Variants in KIAA1671 observed in about 807,000 individuals in gnomAD.
KIAA1671 encodes KIAA1671, also known as uncharacterized protein KIAA1671.
KIAA1671 carries 52 observed loss-of-function variants against 131.2 expected under a neutral mutation model. The observed-to-expected ratio is 0.40, with a 90% CI of 0.32 to 0.50. KIAA1671 has a LOEUF of 0.50. KIAA1671 is among the 20% of genes least tolerant of loss of function. KIAA1671 has a pLI of 0.73. For synonymous variants in KIAA1671, 1,003 were observed against 961.6 expected (o/e 1.04, Z -0.80); for missense variants, 2,360 against 2,364.2 (o/e 1.00, Z 0.04).
Position 25,038,873 on chromosome 22 carries a change from C to A in KIAA1671, c.1743C>A (p.Asp581Glu). Residue 581 changes from aspartate to glutamate, a missense_variant, in exon 5 of 13, where the codon GAC (aspartate) becomes GAA (glutamate). Transcript: ENST00000358431. ...AGCAGAAGGTTAGCTCTAACCAAGA[C>A]CCCGACAGCTGTCGCGGTGGAAGCT... is the stretch of plus-strand genomic sequence containing the variant. ...QTEQKVSSNQ[D>E]PDSCRGGSSV... The A allele has an allele frequency of 6.4e-7, 1 of 1,551,782 alleles. No individual in the cohort carries two copies. Among genetic ancestry groups the A allele is most frequent in the South Asian group, 1.2e-5 (1 of 84,046 alleles).
chr22:24,981,226 C>T (rs999987139), intron 1 of KIAA1671, among the ~76,000 whole-genome samples: 1 of 152,094 alleles, frequency 6.6e-6, no homozygotes. Flanking sequence ...GTTAGAATGT[C>T]GGTCACATCC....
In KIAA1671 at chr22:25,190,693, T is replaced by C. The variant is rs1306418579; in HGVS notation, c.5343-9T>C. ...TTCAACTAGTCTCTTACTGGCTTTG[T>C]GGTTTCAGGTCGGATGAACCCTCTC... On this transcript the variant is annotated splice_polypyrimidine_tract_variant and intron_variant, in intron 11 of 12. Coordinates refer to ENST00000358431, the MANE Select transcript of KIAA1671 (RefSeq NM_001145206.2). 11 of 1,550,626 alleles carry C rather than the reference T, an allele frequency of 7.1e-6. No homozygotes were observed. The East Asian group carries it at 2.7e-4, about 38-fold the overall frequency.
chr22:25,072,545 A>C (rs1160214172), intron 6 of KIAA1671, among the ~76,000 whole-genome samples: 1 of 152,112 alleles, frequency 6.6e-6, no homozygotes, highest in Non-Finnish European at 1.5e-5. Context: ...CACACGTGTT[A>C]ACAAGACCGG....
In KIAA1671 at chr22:25,015,971, C is replaced by A. The variant is rs796636207; in HGVS notation, c.-207-9662C>A. On this transcript the variant is annotated intron_variant, in intron 1 of 12. Transcript: ENST00000358431. The stretch of plus-strand genomic sequence containing the variant: ...TAAGAATTTGATTTAACTCCCTCAA[C>A]TATTTTTTATTGAGCACTGACTTTT... Among the ~76,000 whole-genome samples, 18 of 152,300 alleles carry A rather than the reference C, an allele frequency of 1.2e-4. No homozygotes were observed. The South Asian group carries it at 3.7e-3, about 32-fold the overall frequency.
Position 25,040,601 on chromosome 22 carries a change from C to G in KIAA1671, c.3471C>G (p.Gly1157=), listed in dbSNP as rs73397811. 6.5e-4 allele frequency: 1,002 copies of G among 1,551,758 alleles called. 5 individuals carry two copies. The African/African-American group carries it at 0.012, about 18-fold the overall frequency. Residue 1157 remains glycine, a synonymous_variant, in exon 5 of 13, where the codon GGC becomes GGG. Transcript: ENST00000358431. ...KESANKMSPS[G]GAPQTTPTLR... Reference sequence around the variant, plus strand: ...GTGCGAACAAGATGTCCCCCAGCGGCGGAGCTCCCCAAACCACCCCGACTC... The same window carrying G: ...GTGCGAACAAGATGTCCCCCAGCGGGGGAGCTCCCCAAACCACCCCGACTC...
intron 6 of KIAA1671, among the ~76,000 whole-genome samples, chr22:25,083,635 C>T (rs1433237095): frequency 2.6e-5 from 4 of 152,226 alleles, no homozygotes; most frequent in Non-Finnish European, 5.9e-5. Context: ...TGATCCCAGG[C>T]TGTCTTACTC....
chr22:25,030,828 A>T (rs1292727989), intron 3 of KIAA1671, among the ~76,000 whole-genome samples: 2 of 152,218 alleles, frequency 1.3e-5, no homozygotes, highest in Non-Finnish European at 2.9e-5. Flanking sequence ...TACTTTGTCC[A>T]GGGTGGAGCT....
chr22:25,000,440 G>A (rs1356306497), intron 1 of KIAA1671, among the ~76,000 whole-genome samples: 1 of 93,024 alleles, frequency 1.1e-5, no homozygotes, highest in African/African-American at 4.0e-5. Context: ...TGATCCGCCC[G>A]CCTCGGCCTC....
At chr22:25,179,519 G>T (rs896319696) in intron 9 of KIAA1671, 2 of 1,607,078 alleles carry the variant, frequency 1.2e-6, no homozygotes, top group African/African-American at 1.3e-5. Context: ...GTGCTCGCGC[G>T]GCTCCACCAG....
intron 5 of KIAA1671, among the ~76,000 whole-genome samples, chr22:25,047,155 T>C (rs1927286561): frequency 6.9e-6 from 1 of 145,484 alleles, no homozygotes; most frequent in African/African-American, 2.6e-5. Flanking sequence ...TCTTTTCTTT[T>C]TTTTTTTTTT....
intron 1 of KIAA1671, among the ~76,000 whole-genome samples, chr22:24,995,046 GTT>G (rs199745960): frequency 2.0e-4 from 27 of 136,438 alleles, no homozygotes; most frequent in Admixed American, 2.2e-4. Flanking sequence ...TGTATGTTAG[GTT>G]TTTTTTTTTT....
chr22:25,178,321 G>A (rs1934113924), intron 9 of KIAA1671, among the ~76,000 whole-genome samples: 1 of 152,152 alleles, frequency 6.6e-6, no homozygotes, highest in South Asian at 2.1e-4. Context: ...GTGGGGGCTG[G>A]CTTGGGAACC....
At chr22:25,144,212 C>T (rs1276288622) in intron 6 of KIAA1671, among the ~76,000 whole-genome samples, 5 of 152,056 alleles carry the variant, frequency 3.3e-5, no homozygotes, top group African/African-American at 9.7e-5. Context: ...GTTTTTCTAC[C>T]TTTACCATGT....
chr22:25,131,940 CTT>C (rs1051552125), intron 6 of KIAA1671, among the ~76,000 whole-genome samples: 1 of 152,178 alleles, frequency 6.6e-6, no homozygotes, highest in Non-Finnish European at 1.5e-5. Flanking sequence ...GTGTGAAACT[CTT>C]TAGCGCAGCA....
intron 10 of KIAA1671, among the ~76,000 whole-genome samples, chr22:25,184,476 C>G (rs1934403107): frequency 6.6e-6 from 1 of 152,212 alleles, no homozygotes; most frequent in African/African-American, 2.4e-5. Flanking sequence ...CACCTCAGGT[C>G]CCGCAAGGGA....
intron 1 of KIAA1671, among the ~76,000 whole-genome samples, chr22:24,955,060 C>G (rs536895543): frequency 6.6e-6 from 1 of 152,326 alleles, no homozygotes; most frequent in Non-Finnish European, 1.5e-5. Flanking sequence ...GGATTACAGG[C>G]ATGAGCCACT....
chr22:25,153,295 C>T (rs780700732), intron 6 of KIAA1671, among the ~76,000 whole-genome samples: 12 of 152,210 alleles, frequency 7.9e-5, no homozygotes, highest in Non-Finnish European at 1.3e-4. Flanking sequence ...CAGTAGTTCT[C>T]AACCTGGTGT....
At chr22:24,992,461 A>C (rs1214066049) in intron 1 of KIAA1671, among the ~76,000 whole-genome samples, 1 of 152,128 alleles carries the variant, frequency 6.6e-6, no homozygotes, top group Non-Finnish European at 1.5e-5. Context: ...TCACACCTGT[A>C]TCTCTGGCTC....
intron 10 of KIAA1671, 73 bp from the exon 11 acceptor site, chr22:25,184,904 T>A: frequency 6.5e-7 from 1 of 1,529,680 alleles, no homozygotes; most frequent in Non-Finnish European, 8.9e-7. Context: ...TCATTGTACC[T>A]GACATTTGCA....
Sources: allele counts gnomAD v4.1 joint callset (sites outside exome capture counted in the v4.1 genomes callset), GRCh38; gene constraint gnomAD v4.1.1; transcripts MANE v1.5; gene names NCBI Gene and HGNC (gene_info 2026-07-23, HGNC 2026-07-21).